The following PLD1 variants were observed in gnomAD, a reference collection of about 807,000 sequenced individuals.
The protein encoded by PLD1 is choline phosphatase 1.
A neutral mutation model predicts 137.1 loss-of-function variants in PLD1; 112 were observed. That is an observed-to-expected ratio of 0.82 (90% CI 0.70 to 0.96). The LOEUF (loss-of-function observed/expected upper bound fraction) is 0.96, where lower values mean the gene tolerates loss of function less well. Ranked by LOEUF, PLD1 falls within the 40% of genes least tolerant of loss-of-function variation. The pLI, the probability that PLD1 is intolerant of heterozygous loss-of-function variation, is 0.00. For synonymous variants in PLD1, 431 were observed against 454.7 expected, an observed-to-expected ratio of 0.95 and a Z score of 0.66; for missense variants, 1,321 against 1,342.0, an observed-to-expected ratio of 0.98 and a Z score of 0.24.
intron 23 of PLD1, among the ~76,000 whole-genome samples, chr3:171,638,296 A>G (rs1472945610): frequency 6.6e-6 from 1 of 152,052 alleles, no homozygotes; most frequent in Non-Finnish European, 1.5e-5. Flanking sequence ...ATTACTGTAC[A>G]CTACTGTGGA....
chr3:171,703,968 G>A (rs1716458524), intron 11 of PLD1, among the ~76,000 whole-genome samples: 1 of 152,200 alleles, frequency 6.6e-6, no homozygotes, highest in Admixed American at 6.5e-5. Flanking sequence ...GGTGCCATCA[G>A]AGAAAGCACA....
In PLD1 at chr3:171,620,253, A is replaced by G. The variant is rs1733472704; in HGVS notation, c.2728+133T>C. The G allele has an allele frequency of 5.2e-6, 3 of 580,990 alleles. No homozygotes were observed. The African/African-American group carries it at 5.6e-5, about 11-fold the overall frequency. The allele number at this position is 580,990 out of a possible 1,614,324, so 36.0% of individuals were successfully genotyped here. Reference sequence around the variant, plus strand: ...GGATGTAAGAGAAGAGGATGGCTTCAGAAATGTTTTAGTTATGGTGTTACT... The same window carrying G: ...GGATGTAAGAGAAGAGGATGGCTTCGGAAATGTTTTAGTTATGGTGTTACT... On this transcript the variant is annotated intron_variant, in intron 24 of 26. Transcript: ENST00000351298.
intron 1 of PLD1, among the ~76,000 whole-genome samples, chr3:171,767,220 T>C (rs957456077): frequency 6.6e-6 from 1 of 152,256 alleles, no homozygotes; most frequent in Non-Finnish European, 1.5e-5. Flanking sequence ...AAAGACAGTA[T>C]TCAATGCAGT....
At chr3:171,615,583 C>CA (rs1191392160) in intron 24 of PLD1, among the ~76,000 whole-genome samples, 1 of 151,748 alleles carries the variant, frequency 6.6e-6, no homozygotes, top group Non-Finnish European at 1.5e-5. Flanking sequence ...TCCTAAACAA[C>CA]AAAAAAAGAG....
At chr3:171,802,003 G>A (rs13321742) in intron 1 of PLD1, among the ~76,000 whole-genome samples, 45,873 of 152,082 alleles carry the variant, frequency 0.3, 7,249 homozygotes, top group Admixed American at 0.36. Flanking sequence ...CATCAGTTGA[G>A]AGCAGCACTT....
At chr3:171,721,825 T>A (rs1718147764) in intron 8 of PLD1, among the ~76,000 whole-genome samples, 1 of 151,934 alleles carries the variant, frequency 6.6e-6, no homozygotes, top group Admixed American at 6.6e-5. Flanking sequence ...CTTACAAAAA[T>A]TTTCAGTTTT....
chr3:171,735,575 C>A lies in PLD1; in HGVS notation c.351G>T (p.Lys117Asn), dbSNP rs1217243714. ...ATTCTTGAAAATGCTTGAATTTCCT[C>A]TTAACTTGCCATTTAAATTCCCCAT... ...LTHGEFKWQV[K>N]RKFKHFQEFH... is the part of the protein sequence containing the mutation. Residue 117 changes from lysine (K) to asparagine (N), a missense_variant, in exon 4 of 27, where the codon AAG (lysine) becomes AAT (asparagine). Transcript: ENST00000351298. 2.5e-6 allele frequency: 4 copies of A among 1,592,958 alleles called. No homozygotes were observed. In the African/African-American group the frequency reaches 4.0e-5, roughly 16 times the overall value.
chr3:171,770,918 G>A (rs952360947), intron 1 of PLD1, among the ~76,000 whole-genome samples: 1 of 144,030 alleles, frequency 6.9e-6, no homozygotes, highest in Non-Finnish European at 1.5e-5. Context: ...AAAAGGGGGC[G>A]GGGGCAGGGC....
intron 13 of PLD1, 32 bp downstream of exon 13, chr3:171,692,299 AG>A: frequency 9.9e-7 from 1 of 1,005,114 alleles, no homozygotes; most frequent in African/African-American, 1.6e-5. Flanking sequence ...AGAATAATAA[AG>A]AAACATTGGT....
intron 20 of PLD1, among the ~76,000 whole-genome samples, chr3:171,660,521 C>A (rs568199666): frequency 6.6e-6 from 1 of 152,306 alleles, no homozygotes; most frequent in East Asian, 1.9e-4. Context: ...GGTCTATGTC[C>A]CAACTATGTA....
At chr3:171,635,956 G>A (rs1578154087) in intron 23 of PLD1, among the ~76,000 whole-genome samples, 1 of 82,064 alleles carries the variant, frequency 1.2e-5, no homozygotes, top group East Asian at 2.8e-4. Flanking sequence ...TGAGGTAGGG[G>A]TTCAACTTCT....
intron 1 of PLD1, among the ~76,000 whole-genome samples, chr3:171,799,337 TAAAAAAAAAAA>T (rs758379833): frequency 1.7e-5 from 1 of 57,886 alleles, no homozygotes; most frequent in Non-Finnish European, 3.0e-5. Context: ...AGACTCCGTC[TAAAAAAAAAAA>T]AAAAAAAAAA....
chr3:171,759,770 C>T (rs897537284), intron 1 of PLD1, among the ~76,000 whole-genome samples: 18 of 152,210 alleles, frequency 1.2e-4, no homozygotes, highest in African/African-American at 4.3e-4. Context: ...CTTATTCAAA[C>T]ATCTTTTTAA....
chr3:171,786,405 C>G lies in PLD1; in HGVS notation c.-32+23994G>C, dbSNP rs1011404901. The stretch of plus-strand genomic sequence containing the variant: ...ACCAAGGAGCAGCCACCCTCAAGTC[C>G]ATCTGGAAATGGCTGGTAAGACTGA... On this transcript the variant is annotated intron_variant, in intron 1 of 26. Transcript: ENST00000351298. Among the ~76,000 whole-genome samples, 7 of 152,234 alleles carry G rather than the reference C, an allele frequency of 4.6e-5. No individual in the cohort carries two copies. In the South Asian group the frequency reaches 1.0e-3, roughly 23 times the overall value.
At chr3:171,729,329 A>G (rs1232194616) in intron 6 of PLD1, among the ~76,000 whole-genome samples, 1 of 152,226 alleles carries the variant, frequency 6.6e-6, no homozygotes, top group Non-Finnish European at 1.5e-5. Flanking sequence ...AAATTCCAAC[A>G]TGATCTACCA....
intron 21 of PLD1, 42 bp downstream of exon 21, chr3:171,659,171 C>T (rs201464791): frequency 5.5e-6 from 7 of 1,262,914 alleles, no homozygotes; most frequent in Non-Finnish European, 8.1e-6. Flanking sequence ...GTAATAAATA[C>T]AAGAACATCT....
chr3:171,726,205 A>G (rs1718493040), intron 6 of PLD1, 129 bp from the exon 7 acceptor site: 1 of 647,424 alleles, frequency 1.5e-6, no homozygotes, highest in African/African-American at 1.8e-5. Flanking sequence ...CAGATCAATA[A>G]TAATGGCATT....
intron 8 of PLD1, among the ~76,000 whole-genome samples, chr3:171,716,582 G>A (rs1028371159): frequency 6.6e-6 from 1 of 152,044 alleles, no homozygotes; most frequent in Non-Finnish European, 1.5e-5. Flanking sequence ...ACTTTTTAAT[G>A]GAATTTTTTG....
chr3:171,637,946 C>T (rs574813498), intron 23 of PLD1, among the ~76,000 whole-genome samples: 6 of 151,892 alleles, frequency 4.0e-5, no homozygotes, highest in South Asian at 2.1e-4. Flanking sequence ...TTTGGGAGGC[C>T]GAGGTGGGTG....
Sources: allele counts gnomAD v4.1 joint callset (sites outside exome capture counted in the v4.1 genomes callset), GRCh38; gene constraint gnomAD v4.1.1; transcripts MANE v1.5; gene names NCBI Gene and HGNC (gene_info 2026-07-23, HGNC 2026-07-21).